Variants in ADAMTS3 observed in about 807,000 individuals in gnomAD.
The protein encoded by ADAMTS3 is A disintegrin and metalloproteinase with thrombospondin motifs 3.
ADAMTS3 carries 73 observed loss-of-function variants against 129.0 expected under a neutral mutation model. That is an observed-to-expected ratio of 0.57 (90% CI 0.47 to 0.69). ADAMTS3 has a LOEUF of 0.69. ADAMTS3 is among the 30% of genes least tolerant of loss of function. The pLI is 0.00. For synonymous variants in ADAMTS3, 477 were observed against 510.8 expected (o/e 0.93, Z 0.89); for missense variants, 1,457 against 1,514.5 (o/e 0.96, Z 0.63).
chr4:72,294,123 G>A (rs1300121546), intron 19 of ADAMTS3, among the ~76,000 whole-genome samples: 3 of 152,038 alleles, frequency 2.0e-5, no homozygotes, highest in Non-Finnish European at 4.4e-5. Context: ...AAAAGTTTGT[G>A]TCATTTGCCA....
At chr4:72,527,112 A>G (rs1720837324) in intron 3 of ADAMTS3, among the ~76,000 whole-genome samples, 1 of 152,156 alleles carries the variant, frequency 6.6e-6, no homozygotes, top group South Asian at 2.1e-4. Flanking sequence ...CTGTAGCAGT[A>G]TGGTTTTCTT....
At position 72,336,334 on chromosome 4, in the gene ADAMTS3, T is replaced by G. The variant is rs550213544; in HGVS notation, c.861+3160A>C. ...GTGTCTATGTAGGCCTCAAGCCTGG[T>G]GAGCCATAATTTTAGATGACCATGA... On this transcript the variant is annotated intron_variant, in intron 5 of 21. Transcript: ENST00000286657. 8.5e-5 allele frequency among the ~76,000 whole-genome samples: 13 copies of G among 152,322 alleles called. No individual in the cohort carries two copies. The East Asian group carries it at 2.5e-3, about 29-fold the overall frequency.
chr4:72,439,661 T>C (rs1267656564), intron 3 of ADAMTS3, among the ~76,000 whole-genome samples: 1 of 151,722 alleles, frequency 6.6e-6, no homozygotes, highest in Non-Finnish European at 1.5e-5. Flanking sequence ...TTTTCCCTCA[T>C]GTGAGATATT....
intron 3 of ADAMTS3, among the ~76,000 whole-genome samples, chr4:72,534,191 G>A (rs1346866266): frequency 6.6e-6 from 1 of 152,162 alleles, no homozygotes; most frequent in Non-Finnish European, 1.5e-5. Flanking sequence ...GCCGGGCGTG[G>A]TGGCGGGTGC....
At chr4:72,380,376 T>C (rs1721255442) in intron 4 of ADAMTS3, among the ~76,000 whole-genome samples, 1 of 152,164 alleles carries the variant, frequency 6.6e-6, no homozygotes, top group African/African-American at 2.4e-5. Flanking sequence ...TGATGATTCC[T>C]GTCACTTCTC....
At chr4:72,512,992 T>A (rs758373256) in intron 3 of ADAMTS3, among the ~76,000 whole-genome samples, 2 of 152,140 alleles carry the variant, frequency 1.3e-5, no homozygotes, top group Admixed American at 6.6e-5. Flanking sequence ...CAAGACATCA[T>A]ACTTCAGCTC....
chr4:72,481,604 AC>A (rs1719438638), intron 3 of ADAMTS3, among the ~76,000 whole-genome samples: 1 of 152,164 alleles, frequency 6.6e-6, no homozygotes, highest in Admixed American at 6.6e-5. Flanking sequence ...TTAGAAAAAA[AC>A]ATAGGAGAAA....
intron 4 of ADAMTS3, among the ~76,000 whole-genome samples, chr4:72,400,211 TG>T (rs1721868689): frequency 1.5e-5 from 2 of 130,004 alleles, no homozygotes; most frequent in African/African-American, 5.8e-5. Context: ...TATGCACACA[TG>T]GTGTGTATGT....
intron 4 of ADAMTS3, among the ~76,000 whole-genome samples, chr4:72,365,381 C>A (rs951139272): frequency 6.6e-6 from 1 of 152,116 alleles, no homozygotes; most frequent in Non-Finnish European, 1.5e-5. Context: ...CATCATGACA[C>A]CCATTATGTT....
At chr4:72,295,207 C>A (rs1355882644) in intron 19 of ADAMTS3, among the ~76,000 whole-genome samples, 1 of 151,968 alleles carries the variant, frequency 6.6e-6, no homozygotes. Context: ...AATACAAACC[C>A]TGAATATTGC....
intron 4 of ADAMTS3, among the ~76,000 whole-genome samples, chr4:72,382,941 T>A (rs1478886754): frequency 1.3e-5 from 2 of 151,928 alleles, no homozygotes; most frequent in Non-Finnish European, 2.9e-5. Context: ...ACTATTGGAG[T>A]GATGAGTTCA....
intron 4 of ADAMTS3, among the ~76,000 whole-genome samples, chr4:72,343,397 G>A (rs1720190655): frequency 6.6e-6 from 1 of 152,000 alleles, no homozygotes. Flanking sequence ...TGTTAGAAAA[G>A]AAAATGATTT....
rs1054353863 is a variant in ADAMTS3 at position 72,569,029 on chromosome 4, G to C, written c.-267C>G. On this transcript the variant is annotated 5_prime_UTR_variant, in exon 1 of 22. Coordinates refer to ENST00000286657, the MANE Select transcript of ADAMTS3 (RefSeq NM_014243.3). ...GCAGGAGCGAGAAGGTGCTGTAAGC[G>C]GGCACAGGCTAAGCCTGGGAGAGGG... 3.9e-5 allele frequency: 21 copies of C among 536,388 alleles called. No individual in the cohort carries two copies. Among genetic ancestry groups the C allele is most frequent in the Admixed American group, 3.3e-5 (1 of 30,036 alleles). 33.2% of individuals were successfully genotyped at this position (536,388 alleles called of 1,614,324 possible).
Position 72,548,502 on chromosome 4 carries a change from A to G in ADAMTS3, c.480T>C (p.Val160=). The part of the protein sequence containing the change: ...GDIVDIPGTS[V]AISNCDGLAG... ...CCAGACCATCACAGTTGCTGATGGC[A>G]ACAGAGGTTCCTGGAATGTCCACGA... The change falls in exon 3 of 22, where the codon GTT becomes GTC. Residue 160 remains valine, a synonymous_variant. Transcript: ENST00000286657. 1 of 1,613,840 alleles carries G rather than the reference A, an allele frequency of 6.2e-7. No individual in the cohort carries two copies.
intron 3 of ADAMTS3, among the ~76,000 whole-genome samples, chr4:72,461,989 C>T (rs2109984641): frequency 6.6e-6 from 1 of 152,026 alleles, no homozygotes; most frequent in Non-Finnish European, 1.5e-5. Context: ...CAAGCATTTA[C>T]TATAACCTGG....
intron 3 of ADAMTS3, among the ~76,000 whole-genome samples, chr4:72,529,304 G>C (rs926871383): frequency 7.9e-5 from 12 of 152,016 alleles, no homozygotes; most frequent in African/African-American, 2.9e-4. Flanking sequence ...TCAAAATGTA[G>C]CATCATATGG....
At chr4:72,386,474 C>G (rs1560496045) in intron 4 of ADAMTS3, among the ~76,000 whole-genome samples, 1 of 151,842 alleles carries the variant, frequency 6.6e-6, no homozygotes, top group East Asian at 1.9e-4. Flanking sequence ...CCTTCTCTCT[C>G]TTTTTTTTAA....
At chr4:72,323,421 G>A (rs1397003038) in intron 5 of ADAMTS3, among the ~76,000 whole-genome samples, 2 of 152,186 alleles carry the variant, frequency 1.3e-5, no homozygotes, top group African/African-American at 4.8e-5. Context: ...AACCACAGGA[G>A]GGTAACTTTG....
intron 3 of ADAMTS3, among the ~76,000 whole-genome samples, chr4:72,523,230 C>T (rs944114239): frequency 3.3e-5 from 5 of 151,996 alleles, no homozygotes; most frequent in Non-Finnish European, 5.9e-5. Context: ...CAGTAAATTT[C>T]GAACCAATAA....
Sources: gnomAD v4.1 joint callset for allele counts (sites outside exome capture counted in the v4.1 genomes callset) on GRCh38, gnomAD v4.1.1 for gene constraint, MANE v1.5 for transcripts, NCBI Gene and HGNC (gene_info 2026-07-23, HGNC 2026-07-21) for gene names.